The following SLC4A5 variants were observed in gnomAD, a reference collection of about 807,000 sequenced individuals.
SLC4A5 encodes the protein electrogenic sodium bicarbonate cotransporter 4.
A neutral mutation model predicts 120.4 loss-of-function variants in SLC4A5; 96 were observed. The ratio of observed to expected loss-of-function variants is 0.80; its 90% confidence interval spans 0.68 to 0.94. SLC4A5 has a LOEUF of 0.94. Ranked by LOEUF, SLC4A5 falls within the 40% of genes least tolerant of loss-of-function variation. SLC4A5 has a pLI of 0.00. For synonymous variants in SLC4A5, 550 were observed against 571.1 expected, an observed-to-expected ratio of 0.96 and a Z score of 0.53; for missense variants, 1,259 against 1,459.5, an observed-to-expected ratio of 0.86 and a Z score of 2.24.
intron 5 of SLC4A5, among the ~76,000 whole-genome samples, chr2:74,325,175 C>A (rs1325889239): frequency 6.6e-6 from 1 of 152,056 alleles, no homozygotes; most frequent in Non-Finnish European, 1.5e-5. Context: ...GTGTTATTTC[C>A]TATTTGAAGT....
chr2:74,231,186 G>A (rs780550741), intron 25 of SLC4A5, 50 bp downstream of exon 25: 17 of 1,559,272 alleles, frequency 1.1e-5, no homozygotes, highest in Admixed American at 3.5e-5. Context: ...TAAGGCATCC[G>A]CTCTGCTTTC....
intron 28 of SLC4A5, among the ~76,000 whole-genome samples, chr2:74,224,269 G>A (rs1694763111): frequency 6.6e-6 from 1 of 152,146 alleles, no homozygotes; most frequent in African/African-American, 2.4e-5. Flanking sequence ...GGGAGAAGAG[G>A]GGCAGATGGG....
chr2:74,319,523 GGTTT>G (rs1370939348), intron 5 of SLC4A5: 1 of 152,146 alleles, frequency 6.6e-6, no homozygotes, highest in Non-Finnish European at 1.5e-5. Flanking sequence ...GATTGTCATA[GGTTT>G]GTTTAATATA....
chr2:74,279,229 G>A (rs1339588704), intron 8 of SLC4A5, among the ~76,000 whole-genome samples: 1 of 152,230 alleles, frequency 6.6e-6, no homozygotes, highest in Non-Finnish European at 1.5e-5. Context: ...ACTGTCAGGT[G>A]AACCCAGCTT....
intron 10 of SLC4A5, 57 bp from the exon 11 acceptor site, chr2:74,262,289 C>G: frequency 6.8e-7 from 1 of 1,474,026 alleles, no homozygotes. Flanking sequence ...GTAGCGAAGC[C>G]TCTTGGGTTA....
intron 5 of SLC4A5, among the ~76,000 whole-genome samples, chr2:74,317,685 G>C (rs1673000831): frequency 6.6e-6 from 1 of 152,230 alleles, no homozygotes; most frequent in African/African-American, 2.4e-5. Flanking sequence ...ACAAAAAGGA[G>C]TTAAGTAAAT....
intron 21 of SLC4A5, 90 bp from the exon 22 acceptor site, chr2:74,235,304 A>G: frequency 1.1e-6 from 1 of 891,272 alleles, no homozygotes; most frequent in South Asian, 1.5e-5. Context: ...AAAGAGGTGA[A>G]CTATTACAGT....
intron 7 of SLC4A5, among the ~76,000 whole-genome samples, chr2:74,289,426 C>G (rs923583368): frequency 6.6e-6 from 1 of 152,104 alleles, no homozygotes; most frequent in African/African-American, 2.4e-5. Context: ...AAGTGATCCT[C>G]CCACTTCAGC....
chr2:74,287,065 C>T (rs750020022), intron 7 of SLC4A5, among the ~76,000 whole-genome samples: 6 of 152,216 alleles, frequency 3.9e-5, no homozygotes, highest in African/African-American at 7.2e-5. Context: ...CCCCACTGCC[C>T]TGCCCCGACG....
intron 7 of SLC4A5, among the ~76,000 whole-genome samples, chr2:74,294,329 C>T (rs1415368650): frequency 6.6e-6 from 1 of 152,182 alleles, no homozygotes; most frequent in African/African-American, 2.4e-5. Context: ...ACAACGACAT[C>T]CATCTCATTG....
intron 7 of SLC4A5, among the ~76,000 whole-genome samples, chr2:74,293,016 C>A (rs1054614369): frequency 6.7e-6 from 1 of 150,158 alleles, no homozygotes; most frequent in Non-Finnish European, 1.5e-5. Context: ...TTTGCTGAGG[C>A]TGGCCTCAGC....
chr2:74,248,406 G>A (rs2103977303), exon 18 of SLC4A5: 2 of 1,614,210 alleles, frequency 1.2e-6, no homozygotes, highest in Non-Finnish European at 1.7e-6. Flanking sequence ...CCGTGCTGCT[G>A]AGAATGATGA....
intron 19 of SLC4A5, among the ~76,000 whole-genome samples, chr2:74,245,124 T>TCCTGG (rs1319607402): frequency 6.6e-6 from 1 of 152,028 alleles, no homozygotes; most frequent in Admixed American, 6.6e-5. Context: ...ATCGAAACCA[T>TCCTGG]CCTGGCCAAA....
chr2:74,270,455 C>T lies in SLC4A5; in HGVS notation c.402-5191G>A, dbSNP rs544042195. 3.8e-3 allele frequency among the ~76,000 whole-genome samples: 578 copies of T among 152,248 alleles called. 3 individuals carry two copies. The highest frequency in any genetic ancestry group is 6.8e-3 in the Middle Eastern group (2 of 294). On this transcript the variant is annotated intron_variant, in intron 8 of 30. Coordinates refer to ENST00000394019, the Ensembl canonical transcript of SLC4A5. ...TTGGGAGGCAGAGGCAGGCGGATCA[C>T]GAGGTCAGGAGATCGAGACCATCCT...
At chr2:74,314,966 T>C in exon 6 of SLC4A5, 2 of 1,613,966 alleles carry the variant, frequency 1.2e-6, no homozygotes, top group Non-Finnish European at 1.7e-6. Context: ...GGAAATCTCC[T>C]CCTGTGGTTA....
At chr2:74,284,011 A>G (rs1017463841) in intron 8 of SLC4A5, among the ~76,000 whole-genome samples, 1 of 150,958 alleles carries the variant, frequency 6.6e-6, no homozygotes, top group Admixed American at 6.6e-5. Context: ...CTAATTTTCT[A>G]TTTTTATTTT....
At chr2:74,309,698 C>G (rs1672750299) in intron 6 of SLC4A5, among the ~76,000 whole-genome samples, 2 of 151,434 alleles carry the variant, frequency 1.3e-5, no homozygotes, top group Non-Finnish European at 2.9e-5. Context: ...CTCTGTCACC[C>G]AGGCTGAAGT....
At chr2:74,253,253 A>ATTCCAAAAACTGAGAGT in intron 14 of SLC4A5, 125 bp from the exon 15 acceptor site, 2 of 1,166,652 alleles carry the variant, frequency 1.7e-6, no homozygotes, top group Non-Finnish European at 2.4e-6. Context: ...ACTCACTCTC[A>ATTCCAAAAACTGAGAGT]GTTTTTGGAA....
intron 14 of SLC4A5, among the ~76,000 whole-genome samples, chr2:74,253,861 T>A (rs936910012): frequency 4.6e-5 from 7 of 152,232 alleles, no homozygotes; most frequent in Non-Finnish European, 1.0e-4. Context: ...CTCGTAGGAA[T>A]GCTAGTTTTC....
Sources: allele counts gnomAD v4.1 joint callset (sites outside exome capture counted in the v4.1 genomes callset), GRCh38; gene constraint gnomAD v4.1.1; transcripts MANE v1.5; gene names NCBI Gene and HGNC (gene_info 2026-07-23, HGNC 2026-07-21).